TJP1: variants seen among roughly 807,000 people sequenced by gnomAD.
TJP1 encodes the protein tight junction protein ZO-1.
Under a neutral mutation model 194.2 loss-of-function variants are expected in TJP1, and 43 were observed. That is an observed-to-expected ratio of 0.22 (90% CI 0.17 to 0.29). TJP1 has a LOEUF of 0.29. Ranked by LOEUF, TJP1 falls within the 10% of genes least tolerant of loss-of-function variation. TJP1 has a pLI of 1.00. For synonymous variants in TJP1, 801 were observed against 779.0 expected, an observed-to-expected ratio of 1.03 and a Z score of -0.47; for missense variants, 1,971 against 2,185.7, an observed-to-expected ratio of 0.90 and a Z score of 1.96.
At chr15:29,886,496 G>C (rs1204996194) in intron 2 of TJP1, among the ~76,000 whole-genome samples, 3 of 151,714 alleles carry the variant, frequency 2.0e-5, no homozygotes, top group African/African-American at 7.3e-5. Context: ...GGGAGGCTGA[G>C]GCAGGAGGAT....
At chr15:29,967,054 C>T (rs1849878156) in intron 1 of TJP1, among the ~76,000 whole-genome samples, 1 of 151,240 alleles carries the variant, frequency 6.6e-6, no homozygotes, top group African/African-American at 2.4e-5. Context: ...CTCACTCTCG[C>T]CCAGGCTGGA....
chr15:29,730,816 C>G (rs11554705), intron 15 of TJP1: 1 of 892,936 alleles, frequency 1.1e-6, no homozygotes, highest in Non-Finnish European at 1.9e-6. Context: ...CCTGCTCCTC[C>G]AAAGCCAGAG....
intron 1 of TJP1, among the ~76,000 whole-genome samples, chr15:29,801,690 T>C (rs1345014402): frequency 1.3e-5 from 2 of 151,546 alleles, no homozygotes; most frequent in African/African-American, 4.8e-5. Context: ...CTCGATCTCC[T>C]GACCTCCTGA....
Position 29,814,473 on chromosome 15 carries a change from A to G in TJP1, c.27+7529T>C, listed in dbSNP as rs77525275. Among the ~76,000 whole-genome samples, 732 of 152,302 alleles carry G rather than the reference A, an allele frequency of 4.8e-3. 30 individuals are homozygous for G. The East Asian group carries it at 0.097, about 20-fold the overall frequency. ...CTCCTGAATTTTAAAATTACATACTAAATTAAGTGAGCTAATCTTATATTA... is the reference window on the plus strand; with the variant it reads ...CTCCTGAATTTTAAAATTACATACTGAATTAAGTGAGCTAATCTTATATTA... On this transcript the variant is annotated intron_variant, in intron 1 of 27. Coordinates refer to ENST00000614355, the MANE Select transcript of TJP1 (RefSeq NM_001330239.4).
At chr15:29,925,240 T>A (rs1349893352) in intron 2 of TJP1, among the ~76,000 whole-genome samples, 1 of 152,224 alleles carries the variant, frequency 6.6e-6, no homozygotes, top group Non-Finnish European at 1.5e-5. Flanking sequence ...TACCTTTCTT[T>A]CAGAATATAC....
At chr15:29,928,740 G>C (rs1331471461) in intron 2 of TJP1, among the ~76,000 whole-genome samples, 1 of 151,944 alleles carries the variant, frequency 6.6e-6, no homozygotes, top group Non-Finnish European at 1.5e-5. Context: ...TCAGGAGATC[G>C]AGACCATCCT....
intron 2 of TJP1, among the ~76,000 whole-genome samples, chr15:29,845,397 C>A (rs1056212071): frequency 1.3e-5 from 2 of 152,026 alleles, no homozygotes; most frequent in Non-Finnish European, 2.9e-5. Flanking sequence ...AAAGGAAATA[C>A]GAAACCTCCC....
chr15:29,929,632 G>A (rs535087104), intron 2 of TJP1, among the ~76,000 whole-genome samples: 84 of 152,216 alleles, frequency 5.5e-4, no homozygotes, highest in Non-Finnish European at 9.9e-4. Flanking sequence ...GGGAGGTGGC[G>A]GTTGCAGTGA....
intron 2 of TJP1, among the ~76,000 whole-genome samples, chr15:29,827,590 CAT>C (rs1441358135): frequency 6.6e-6 from 1 of 152,214 alleles, no homozygotes; most frequent in African/African-American, 2.4e-5. Context: ...AGTGACTCCA[CAT>C]GAGTTAAATA....
At chr15:29,741,544 A>G (rs1381616645) in intron 9 of TJP1, 108 bp from the exon 10 acceptor site, 6 of 698,418 alleles carry the variant, frequency 8.6e-6, no homozygotes, top group East Asian at 2.7e-5. Flanking sequence ...GATGAGGAAC[A>G]TATCTACCAT....
At chr15:29,767,374 C>T (rs913595895) in intron 4 of TJP1, among the ~76,000 whole-genome samples, 1 of 152,176 alleles carries the variant, frequency 6.6e-6, no homozygotes, top group African/African-American at 2.4e-5. Context: ...ATGTCGGACA[C>T]CTTGAGCTAC....
At chr15:29,716,469 C>T (rs1475041687) in intron 23 of TJP1, 142 bp downstream of exon 23, 6 of 632,304 alleles carry the variant, frequency 9.5e-6, no homozygotes, top group Admixed American at 3.1e-5. Flanking sequence ...CATCCCAGAA[C>T]TAAAAAGTAT....
chr15:29,762,189 A>G, intron 6 of TJP1, 146 bp downstream of exon 6: 1 of 617,522 alleles, frequency 1.6e-6, no homozygotes, highest in Admixed American at 3.0e-5. Flanking sequence ...GTAATAATGC[A>G]TAAAGGGAAT....
chr15:29,752,394 G>A (rs965119870), intron 8 of TJP1, among the ~76,000 whole-genome samples: 1 of 152,114 alleles, frequency 6.6e-6, no homozygotes, highest in Non-Finnish European at 1.5e-5. Flanking sequence ...GTAAGCCATC[G>A]TGCCTGGCCT....
At chr15:29,886,411 G>A (rs785425) in intron 2 of TJP1, among the ~76,000 whole-genome samples, 17,153 of 151,648 alleles carry the variant, frequency 0.11, 1,084 homozygotes, top group African/African-American at 0.16. Flanking sequence ...TTTTTGGATG[G>A]TGTGTTTATA....
At chr15:29,712,246 A>G (rs1361652172) in intron 23 of TJP1, among the ~76,000 whole-genome samples, 1 of 152,182 alleles carries the variant, frequency 6.6e-6, no homozygotes, top group African/African-American at 2.4e-5. Context: ...TCTTGCTTTC[A>G]TGAATTTAGA....
intron 10 of TJP1, among the ~76,000 whole-genome samples, chr15:29,740,112 C>T (rs982118719): frequency 7.9e-5 from 12 of 151,944 alleles, no homozygotes; most frequent in Admixed American, 2.0e-4. Context: ...CTCAACCTCC[C>T]GAGTAGCTGG....
In TJP1 at chr15:29,822,040, C is replaced by T; in HGVS notation, c.-12G>A. 1 of 1,324,814 alleles carries T rather than the reference C, an allele frequency of 7.5e-7. No individual in the cohort carries two copies. The highest frequency in any genetic ancestry group is 9.7e-7 in the Non-Finnish European group (1 of 1,035,452). 82.1% of individuals were successfully genotyped at this position (1,324,814 alleles called of 1,614,324 possible). ...GCTCTGGCGGACATCTTGTCTCTCT[C>T]CAGCGCCGCGCGAGGCTCCTCGGAC... On this transcript the variant is annotated 5_prime_UTR_variant, in exon 1 of 28. Coordinates refer to ENST00000614355, the MANE Select transcript of TJP1 (RefSeq NM_001330239.4).
chr15:29,801,045 A>C (rs570835448), intron 1 of TJP1, among the ~76,000 whole-genome samples: 11 of 152,370 alleles, frequency 7.2e-5, no homozygotes, highest in East Asian at 1.9e-4. Context: ...AATGGCACGT[A>C]AACATTTAAA....
Sources: gnomAD v4.1 joint callset for allele counts (sites outside exome capture counted in the v4.1 genomes callset) on GRCh38, gnomAD v4.1.1 for gene constraint, MANE v1.5 for transcripts, NCBI Gene and HGNC (gene_info 2026-07-23, HGNC 2026-07-21) for gene names.